DLG3: variants seen among roughly 807,000 people sequenced by gnomAD.
DLG3 encodes discs large MAGUK scaffold protein 3.
DLG3 carries 1 observed loss-of-function variant against 64.1 expected under a neutral mutation model. That is an observed-to-expected ratio of 0.02 (90% CI 0.01 to 0.07). The LOEUF is 0.07. Among genes scored for constraint, DLG3 ranks in the 10% least tolerant of loss-of-function variants. The pLI, the probability that DLG3 is intolerant of heterozygous loss-of-function variation, is 1.00. For missense variants in DLG3, 429 were observed against 669.5 expected (o/e 0.64, Z 3.96); for synonymous variants, 245 against 259.8 (o/e 0.94, Z 0.55).
At chrX:70,462,239 C>T (rs1438843126) in intron 9 of DLG3, among the ~76,000 whole-genome samples, 112 of 77,634 alleles carry the variant, frequency 1.4e-3, no homozygotes, top group African/African-American at 4.9e-3. Flanking sequence ...CTTTTTCTTT[C>T]TTTCTTTTTT....
At chrX:70,468,296 C>T (rs983272394) in intron 9 of DLG3, among the ~76,000 whole-genome samples, 2 of 111,282 alleles carry the variant, frequency 1.8e-5, no homozygotes, top group African/African-American at 3.3e-5. Flanking sequence ...TCTCAAACTC[C>T]TGACCTCCGG....
At chrX:70,500,609 A>G (rs770119921) in intron 17 of DLG3, 29 bp downstream of exon 17, 1 of 1,085,681 alleles carries the variant, frequency 9.2e-7, no homozygotes, top group Non-Finnish European at 1.3e-6. Context: ...ACTCAGACAC[A>G]CCAAGCTAAG....
At chrX:70,493,307 C>A in intron 12 of DLG3, 1 of 1,009,954 alleles carries the variant, frequency 9.9e-7, no homozygotes, top group Non-Finnish European at 1.4e-6. Flanking sequence ...TTCTTGCATG[C>A]TTTAAAATCC....
rs753489184 is a variant in DLG3 at position 70,502,249 on chromosome X, C to T, written c.2434C>T (p.Pro812Ser). ...CCAGTCTGGGCACTACATTTGGGTC[C>T]CATCCCCTGAAAAACTCTGAAGAAT... The part of the protein sequence containing the change: ...EDQSGHYIWV[P>S]SPEKL Residue 812 changes from proline to serine, a missense_variant, in exon 19 of 19, where the codon CCA becomes TCA. Coordinates refer to ENST00000374360, the MANE Select transcript of DLG3 (RefSeq NM_021120.4). The T allele has an allele frequency of 6.7e-6, 8 of 1,202,759 alleles. No homozygotes were observed. The South Asian group carries it at 1.4e-4, about 21-fold the overall frequency.
chrX:70,475,129 G>A (rs2087031665), intron 9 of DLG3, among the ~76,000 whole-genome samples: 1 of 109,584 alleles, frequency 9.1e-6, no homozygotes. Context: ...TCAGGAGTTC[G>A]AGACCAGCCT....
Position 70,503,597 on chromosome X carries a change from GT to G in DLG3, c.*1341del, listed in dbSNP as rs879093998. ...CCAGCTGCGTCATGAGTTTGATTTG[GT>G]TTTTTTTTTTTTGCAGCTGCTTCAT... is the stretch of plus-strand genomic sequence containing the variant. On this transcript the variant is annotated 3_prime_UTR_variant, in exon 19 of 19. Coordinates refer to ENST00000374360, the MANE Select transcript of DLG3 (RefSeq NM_021120.4). 78 of 102,385 alleles carry G rather than the reference GT, an allele frequency of 7.6e-4. No homozygotes were observed. Among genetic ancestry groups the G allele is most frequent in the Admixed American group, 2.9e-3 (28 of 9,591 alleles). The allele number at this position is 102,385 out of a possible 1,213,427, so 8.4% of individuals were successfully genotyped here.
chrX:70,460,085 C>T (rs898026307), intron 9 of DLG3, among the ~76,000 whole-genome samples: 7 of 110,384 alleles, frequency 6.3e-5, no homozygotes, highest in African/African-American at 2.0e-4. Flanking sequence ...GAGATCGAGA[C>T]CATCCTGGCC....
chrX:70,469,737 C>T (rs371331175), intron 9 of DLG3, among the ~76,000 whole-genome samples: 11 of 111,722 alleles, frequency 9.8e-5, no homozygotes, highest in East Asian at 5.6e-4. Flanking sequence ...CGTGAGCCAC[C>T]GCGCCAGCCC....
chrX:70,488,604 G>A (rs1423454914), intron 10 of DLG3, among the ~76,000 whole-genome samples: 3 of 112,135 alleles, frequency 2.7e-5, no homozygotes, highest in African/African-American at 9.7e-5. Flanking sequence ...GGAATGATTA[G>A]CCTGGTAGAG....
intron 12 of DLG3, 122 bp from the exon 13 acceptor site, chrX:70,495,286 T>C: frequency 1.5e-6 from 1 of 646,686 alleles, no homozygotes. Flanking sequence ...CCCCCTTGTC[T>C]TTTTCTCTAT....
At chrX:70,450,444 C>T in intron 5 of DLG3, 139 bp downstream of exon 5, 1 of 970,257 alleles carries the variant, frequency 1.0e-6, no homozygotes, top group Non-Finnish European at 1.4e-6. Context: ...TTGTGTTTGC[C>T]CAGATACAAA....
At chrX:70,452,326 G>A in intron 7 of DLG3, 1 of 1,023,223 alleles carries the variant, frequency 9.8e-7, no homozygotes, top group South Asian at 3.4e-5. Context: ...GGCGAGGGCA[G>A]CGGAGTTTCC....
chrX:70,455,197 G>A (rs2086683214), intron 9 of DLG3: 1 of 752,564 alleles, frequency 1.3e-6, no homozygotes, highest in African/African-American at 2.3e-5. Context: ...TCTCCCGCGC[G>A]GGACGGAGGG....
chrX:70,492,481 T>A, intron 11 of DLG3, 40 bp from the exon 12 acceptor site: 1 of 1,188,866 alleles, frequency 8.4e-7, no homozygotes, highest in Non-Finnish European at 1.1e-6. Context: ...CTGAGACCAT[T>A]TACTGGCAGT....
intron 14 of DLG3, 45 bp from the exon 15 acceptor site, chrX:70,499,131 C>G (rs746962923): frequency 2.1e-5 from 21 of 1,000,360 alleles, no homozygotes; most frequent in Non-Finnish European, 2.8e-5. Context: ...GACAGGCTGT[C>G]TGGTGGGGGC....
chrX:70,479,134 C>G lies in DLG3; in HGVS notation c.1406-16C>G. ...AGTTCATTCTTTTCCCATCTTTTCC[C>G]TTGTTTCCGTGACAGAATACAGTCG... On this transcript the variant is annotated splice_polypyrimidine_tract_variant and intron_variant, in intron 9 of 18. Coordinates refer to ENST00000374360, the MANE Select transcript of DLG3 (RefSeq NM_021120.4). 8.4e-7 allele frequency: 1 copy of G among 1,189,692 alleles called. No homozygotes were observed. The highest frequency in any genetic ancestry group is 1.1e-6 in the Non-Finnish European group (1 of 875,331).
Position 70,452,756 on chromosome X carries a change from G to A in DLG3, c.1145+730G>A, listed in dbSNP as rs759184230. ...CCCTGCGGCCCGGAGGGGATGCCAG[G>A]TAGGAGTGGAGGGCTAGGAGCAAGA... On this transcript the variant is annotated intron_variant, in intron 7 of 18. Transcript: ENST00000374360. The A allele has an allele frequency of 3.4e-6, 4 of 1,182,449 alleles. No individual in the cohort carries two copies. Among genetic ancestry groups the A allele is most frequent in the Non-Finnish European group, 4.5e-6 (4 of 881,139 alleles).
intron 17 of DLG3, 104 bp downstream of exon 17, chrX:70,500,684 G>A (rs2087539848): frequency 1.3e-6 from 1 of 764,119 alleles, no homozygotes; most frequent in African/African-American, 2.1e-5. Flanking sequence ...AAGAAACTCT[G>A]TGCCCCAGCT....
chrX:70,478,272 T>C (rs1384101049), intron 9 of DLG3, among the ~76,000 whole-genome samples: 1 of 112,525 alleles, frequency 8.9e-6, no homozygotes, highest in Admixed American at 9.4e-5. Flanking sequence ...AAAAGCCTTT[T>C]ATAATAATTG....
Sources: allele counts gnomAD v4.1 joint callset (sites outside exome capture counted in the v4.1 genomes callset), GRCh38; gene constraint gnomAD v4.1.1; transcripts MANE v1.5; gene names NCBI Gene and HGNC (gene_info 2026-07-23, HGNC 2026-07-21).